INPP4B: variants seen among roughly 807,000 people sequenced by gnomAD.
INPP4B encodes the protein inositol polyphosphate-4-phosphatase type II B.
INPP4B carries 55 observed loss-of-function variants against 122.5 expected under a neutral mutation model. The observed-to-expected ratio is 0.45, with a 90% CI of 0.36 to 0.56. INPP4B has a LOEUF of 0.56. Among genes scored for constraint, INPP4B ranks in the 20% least tolerant of loss-of-function variants. The pLI is 0.00. For missense variants in INPP4B, 1,000 were observed against 1,097.7 expected (o/e 0.91, Z 1.26); for synonymous variants, 403 against 388.7 (o/e 1.04, Z -0.43).
chr4:142,703,652 T>G (rs993877562), intron 2 of INPP4B, among the ~76,000 whole-genome samples: 2 of 152,210 alleles, frequency 1.3e-5, no homozygotes, highest in African/African-American at 4.8e-5. Context: ...ACAGCATGTC[T>G]CATCGTTTCT....
At chr4:142,153,167 A>C (rs920155530) in intron 17 of INPP4B, among the ~76,000 whole-genome samples, 1 of 152,198 alleles carries the variant, frequency 6.6e-6, no homozygotes, top group African/African-American at 2.4e-5. Flanking sequence ...TTTAACTTTA[A>C]ATTGGTAATT....
At chr4:142,314,907 C>T in intron 7 of INPP4B, 145 bp from the exon 8 acceptor site, 2 of 663,562 alleles carry the variant, frequency 3.0e-6, no homozygotes, top group South Asian at 4.4e-5. Context: ...TGTGCAACAC[C>T]TGCGGCAGTG....
intron 18 of INPP4B, among the ~76,000 whole-genome samples, chr4:142,125,066 T>C (rs1798115590): frequency 6.6e-6 from 1 of 152,116 alleles, no homozygotes; most frequent in Non-Finnish European, 1.5e-5. Flanking sequence ...ATCAAATCTT[T>C]CTCATACTGG....
chr4:142,214,349 T>C (rs1303009342), intron 12 of INPP4B, among the ~76,000 whole-genome samples: 2 of 152,168 alleles, frequency 1.3e-5, no homozygotes, highest in Admixed American at 1.3e-4. Context: ...TTCAGCCCCA[T>C]TGGCTCTCCT....
At chr4:142,464,444 C>A (rs962505670) in intron 2 of INPP4B, among the ~76,000 whole-genome samples, 1 of 151,904 alleles carries the variant, frequency 6.6e-6, no homozygotes, top group Non-Finnish European at 1.5e-5. Flanking sequence ...TATCATATGT[C>A]TCTCATCATT....
chr4:142,127,595 T>C (rs1799195905), intron 18 of INPP4B, among the ~76,000 whole-genome samples: 2 of 152,138 alleles, frequency 1.3e-5, no homozygotes, highest in Admixed American at 1.3e-4. Context: ...ACTAACAATA[T>C]TCCAGTGTCT....
At chr4:142,564,518 A>G (rs1014063472) in intron 2 of INPP4B, among the ~76,000 whole-genome samples, 1 of 151,636 alleles carries the variant, frequency 6.6e-6, no homozygotes, top group East Asian at 2.0e-4. Flanking sequence ...AGACCATGGA[A>G]GACTGGAGGC....
In INPP4B at chr4:142,833,955, A is replaced by C. The variant is rs564718781; in HGVS notation, c.-254+12254T>G. ...CAAATAATTGCTACCTTTTTATCCA[A>C]AATCATGGGAATCTGGGTAGTGATT... On this transcript the variant is annotated intron_variant, in intron 1 of 25. Transcript: ENST00000262992. 7.9e-5 allele frequency among the ~76,000 whole-genome samples: 12 copies of C among 152,252 alleles called. No individual in the cohort carries two copies. In the East Asian group the frequency reaches 2.3e-3, roughly 29 times the overall value.
intron 3 of INPP4B, among the ~76,000 whole-genome samples, chr4:142,434,766 A>G (rs2149395832): frequency 6.6e-6 from 1 of 152,298 alleles, no homozygotes; most frequent in South Asian, 2.1e-4. Flanking sequence ...GTTAGTCAGA[A>G]AGCATGAGAG....
intron 9 of INPP4B, among the ~76,000 whole-genome samples, chr4:142,290,415 T>A (rs1755924746): frequency 6.6e-6 from 1 of 151,820 alleles, no homozygotes; most frequent in South Asian, 2.1e-4. Context: ...ACCATCTTGG[T>A]CAGGCTGGTC....
intron 2 of INPP4B, among the ~76,000 whole-genome samples, chr4:142,583,079 G>A (rs10008556): frequency 0.014 from 2,145 of 152,114 alleles, 40 homozygotes; most frequent in African/African-American, 0.041. Context: ...CTGAACCCCA[G>A]TTTCTTTGTC....
At chr4:142,072,322 A>G (rs186317570) in intron 25 of INPP4B, among the ~76,000 whole-genome samples, 51 of 150,152 alleles carry the variant, frequency 3.4e-4, no homozygotes, top group African/African-American at 1.2e-3. Context: ...AACATCACAC[A>G]TCGGGGCCTG....
chr4:142,286,562 T>C (rs1753809262), intron 9 of INPP4B, among the ~76,000 whole-genome samples: 1 of 152,236 alleles, frequency 6.6e-6, no homozygotes. Flanking sequence ...AGCTTTTTTC[T>C]TTCTTACTCT....
rs1763888304 is a variant in INPP4B at position 142,717,181 on chromosome 4, T to C, written c.-191+8658A>G. On this transcript the variant is annotated intron_variant, in intron 2 of 25. Coordinates refer to ENST00000262992, the MANE Select transcript of INPP4B (RefSeq NM_001101669.3). The stretch of plus-strand genomic sequence containing the variant: ...GGCAGGTAGACCTTGAAATACATGC[T>C]AATGAGATTAGTGGCTGCATGAAGG... Among the ~76,000 whole-genome samples the C allele has an allele frequency of 2.6e-5, 4 of 152,190 alleles. No individual in the cohort carries two copies. The South Asian group carries it at 8.3e-4, about 31-fold the overall frequency.
chr4:142,643,660 G>A (rs1458291689), intron 2 of INPP4B, among the ~76,000 whole-genome samples: 1 of 152,078 alleles, frequency 6.6e-6, no homozygotes, highest in Non-Finnish European at 1.5e-5. Context: ...TCACTTCATT[G>A]TTTGGAATAT....
chr4:142,523,823 A>C (rs1826443857), intron 2 of INPP4B, among the ~76,000 whole-genome samples: 5 of 113,174 alleles, frequency 4.4e-5, no homozygotes, highest in South Asian at 3.5e-4. Flanking sequence ...CCACCCCACA[A>C]CAGTCCCCAG....
chr4:142,381,326 T>G (rs1057079379), intron 7 of INPP4B, among the ~76,000 whole-genome samples: 9 of 152,178 alleles, frequency 5.9e-5, no homozygotes, highest in Non-Finnish European at 1.0e-4. Context: ...AATTTTGTGT[T>G]TCTAATAAAA....
At chr4:142,153,523 T>A (rs1275610684) in intron 17 of INPP4B, among the ~76,000 whole-genome samples, 3 of 152,192 alleles carry the variant, frequency 2.0e-5, no homozygotes, top group African/African-American at 7.2e-5. Flanking sequence ...AATACCTGAT[T>A]TTGAACCAGG....
At chr4:142,651,808 T>A (rs1458547274) in intron 2 of INPP4B, among the ~76,000 whole-genome samples, 2 of 152,214 alleles carry the variant, frequency 1.3e-5, no homozygotes, top group Non-Finnish European at 2.9e-5. Flanking sequence ...GAGGAGCTGG[T>A]ACCATTCCTT....
Sources: allele counts gnomAD v4.1 joint callset (sites outside exome capture counted in the v4.1 genomes callset), GRCh38; gene constraint gnomAD v4.1.1; transcripts MANE v1.5; gene names NCBI Gene and HGNC (gene_info 2026-07-23, HGNC 2026-07-21).